The following B3GAT1 variants were observed in gnomAD, a reference collection of about 807,000 sequenced individuals.
B3GAT1 encodes the protein beta-1,3-glucuronyltransferase 1.
A neutral mutation model predicts 28.4 loss-of-function variants in B3GAT1; 11 were observed. The ratio of observed to expected loss-of-function variants is 0.39; its 90% confidence interval spans 0.24 to 0.64. The LOEUF (loss-of-function observed/expected upper bound fraction) is 0.64, where lower values mean the gene tolerates loss of function less well. Ranked by LOEUF, B3GAT1 falls within the 30% of genes least tolerant of loss-of-function variation. The pLI, the probability that B3GAT1 is intolerant of heterozygous loss-of-function variation, is 0.50. For synonymous variants in B3GAT1, 255 were observed against 223.1 expected (o/e 1.14, Z -1.27); for missense variants, 375 against 491.0 (o/e 0.76, Z 2.23).
intron 4 of B3GAT1, among the ~76,000 whole-genome samples, chr11:134,382,434 C>T (rs568954147): frequency 4.3e-4 from 66 of 152,204 alleles, no homozygotes; most frequent in Non-Finnish European, 3.5e-4. Flanking sequence ...CATGTGTGCA[C>T]GCGTAGGCAT....
In B3GAT1 at chr11:134,383,905, G is replaced by A. The variant is rs761540321; in HGVS notation, c.396C>T (p.Arg132=). ...DAPRRTPLTA[R]LLRDTGLNYT... is the part of the protein sequence containing the mutation. Reference sequence around the variant, plus strand: ...AGTTGAGGCCGGTGTCGCGCAGCAGGCGCGCGGTCAGCGGCGTCCGGCGCG... The same window carrying A: ...AGTTGAGGCCGGTGTCGCGCAGCAGACGCGCGGTCAGCGGCGTCCGGCGCG... The change falls in exon 3 of 6, where the codon CGC becomes CGT. Residue 132 remains arginine, a synonymous_variant. Transcript: ENST00000312527. The A allele has an allele frequency of 6.3e-7, 1 of 1,596,050 alleles. No individual in the cohort carries two copies. Among genetic ancestry groups the A allele is most frequent in the East Asian group, 2.3e-5 (1 of 44,410 alleles).
intron 1 of B3GAT1, among the ~76,000 whole-genome samples, chr11:134,394,327 G>T (rs1944464835): frequency 1.3e-5 from 2 of 152,232 alleles, no homozygotes; most frequent in Admixed American, 6.5e-5. Flanking sequence ...TGCATGTGAG[G>T]ACACCAAAGC....
In B3GAT1 at chr11:134,382,024, T is replaced by C. The variant is rs761552883; in HGVS notation, c.919A>G (p.Ile307Val). 6.2e-7 allele frequency: 1 copy of C among 1,614,064 alleles called. No homozygotes were observed. Among genetic ancestry groups the C allele is most frequent in the Non-Finnish European group, 8.5e-7 (1 of 1,180,006 alleles). ...LEPKAANCTK[I>V]LVWHTRTEKP... ...TCTGTCCGTGTGTGCCACACCAGGA[T>C]CTGTGTGCCCAGAGATGCAAAACAT... Residue 307 changes from isoleucine to valine, a missense_variant and splice_region_variant, in exon 5 of 6, where the codon ATC becomes GTC. Coordinates refer to ENST00000312527, the MANE Select transcript of B3GAT1 (RefSeq NM_054025.3).
At chr11:134,395,395 G>A (rs1944485897) in intron 1 of B3GAT1, among the ~76,000 whole-genome samples, 1 of 152,150 alleles carries the variant, frequency 6.6e-6, no homozygotes, top group Non-Finnish European at 1.5e-5. Flanking sequence ...CCCACAGCAG[G>A]TCATGATGGG....
intron 1 of B3GAT1, among the ~76,000 whole-genome samples, chr11:134,403,931 C>A (rs550520582): frequency 7.3e-6 from 1 of 136,734 alleles, no homozygotes; most frequent in Admixed American, 7.7e-5. Context: ...CTTGTGGGGG[C>A]TGGGATGTTG....
rs570709277 is a variant in B3GAT1 at position 134,383,968 on chromosome 11, G to A, written c.333C>T (p.His111=). 4 of 1,600,932 alleles carry A rather than the reference G, an allele frequency of 2.5e-6. No homozygotes were observed. The Admixed American group carries it at 5.0e-5, about 20-fold the overall frequency. Residue 111 remains histidine (H), a synonymous_variant, in exon 3 of 6, where the codon CAC becomes CAT. Coordinates refer to ENST00000312527, the MANE Select transcript of B3GAT1 (RefSeq NM_054025.3). ...CCACCAGCCAGTGGAGGTTGGGCAC[G>A]TGCAGCAGCGTGTTGGCCATGCGCG... ...ELTRMANTLL[H]VPNLHWLVVE...
In B3GAT1 at chr11:134,411,968, G is replaced by A. The variant is rs1277667918; in HGVS notation, c.-443C>T. The A allele has an allele frequency of 3.5e-5, 5 of 140,966 alleles. No individual in the cohort carries two copies. In the East Asian group the frequency reaches 1.1e-3, roughly 30 times the overall value. The allele number at this position is 140,966 out of a possible 1,614,324, so 8.7% of individuals were successfully genotyped here. A position where few individuals can be genotyped will look rare whatever the true frequency, so the allele number is the denominator to read the frequency against. On this transcript the variant is annotated 5_prime_UTR_variant, in exon 1 of 6. Transcript: ENST00000312527. This position sits in a 1 kb window ranked among gnomAD's most constrained non-coding sequence, Gnocchi z 6.0. ...CCCGGGGGCCACTTCATAGCCGCGG[G>A]GTCCGCGCGCCCGCCCGCCCCGCCC...
chr11:134,387,307 T>G, intron 2 of B3GAT1: 1 of 524,764 alleles, frequency 1.9e-6, no homozygotes, highest in Non-Finnish European at 3.3e-6. Context: ...TAACAAGCTC[T>G]TCTTTCAAGG....
At chr11:134,410,328 C>T (rs185619600) in intron 1 of B3GAT1, among the ~76,000 whole-genome samples, 5 of 152,360 alleles carry the variant, frequency 3.3e-5, no homozygotes, top group Middle Eastern at 3.4e-3. Flanking sequence ...ATCCTGGGGT[C>T]AGGCACAGAA....
rs954291160 is a variant in B3GAT1, at chr11:134,411,623, G to A, written c.-282+184C>T. Among the ~76,000 whole-genome samples the A allele has an allele frequency of 4.6e-5, 7 of 151,952 alleles. No individual in the cohort carries two copies. Among genetic ancestry groups the A allele is most frequent in the Admixed American group, 1.3e-4 (2 of 15,278 alleles). ...CCTCGGCAGCAGCGCCTCCCAGCCC[G>A]AGCTCGGTTCTCGGCCCCCTTTCCA... On this transcript the variant is annotated intron_variant, in intron 1 of 5. Transcript: ENST00000312527. This position sits in a 1 kb window ranked among gnomAD's most constrained non-coding sequence, Gnocchi z 6.0.
chr11:134,409,566 C>T (rs1225134295), intron 1 of B3GAT1: 1 of 152,316 alleles, frequency 6.6e-6, no homozygotes, highest in Non-Finnish European at 1.5e-5. Flanking sequence ...CTAAAAGACC[C>T]TCACATTCCT....
At chr11:134,381,577 G>A (rs1944123580) in intron 5 of B3GAT1, 1 of 248,872 alleles carries the variant, frequency 4.0e-6, no homozygotes, top group African/African-American at 2.2e-5. Flanking sequence ...CACAGGGGAA[G>A]AGGCAGACTT....
At chr11:134,402,487 C>G (rs1944637718) in intron 1 of B3GAT1, among the ~76,000 whole-genome samples, 1 of 152,164 alleles carries the variant, frequency 6.6e-6, no homozygotes, top group Admixed American at 6.5e-5. Flanking sequence ...TCCTGGAGAA[C>G]TTTCCTTTCA....
Position 134,387,775 on chromosome 11 carries a change from C to CGGCCA in B3GAT1, c.-121_-117dup. On this transcript the variant is annotated 5_prime_UTR_variant, in exon 2 of 6. It removes the in-frame stop codon of an upstream open reading frame in the 5' UTR. Transcript: ENST00000312527. Reference sequence around the variant, plus strand: ...AGAAAAGAACAGGCATGGGCCGGGCCGGCCAGGCATGGAGAGGACAGAGCA... The same window carrying CGGCCA: ...AGAAAAGAACAGGCATGGGCCGGGCCGGCCAGGCCAGGCATGGAGAGGACAGAGCA... 7 of 1,547,482 alleles carry CGGCCA rather than the reference C, an allele frequency of 4.5e-6. No homozygotes were observed. The highest frequency in any genetic ancestry group is 1.7e-4 in the Middle Eastern group (1 of 5,988).
rs756257734 is a variant in B3GAT1 at position 134,383,753 on chromosome 11, C to T, written c.548G>A (p.Arg183His). ...ALRWLRETFP[R>H]NSSQPGVVYF... ...GACCACGCCAGGCTGGCTGGAGTTG[C>T]GCGGGAAGGTCTCGCGCAGCCAGCG... The change falls in exon 3 of 6, where the codon CGC (arginine) becomes CAC (histidine). Residue 183 changes from arginine (R) to histidine (H), a missense_variant. By Grantham distance (29) the Arg-to-His change is conservative. Transcript: ENST00000312527. The T allele has an allele frequency of 2.5e-6, 4 of 1,595,606 alleles. No individual in the cohort carries two copies. Among genetic ancestry groups the T allele is most frequent in the South Asian group, 1.1e-5 (1 of 89,024 alleles).
At chr11:134,399,178 C>T (rs1439788001) in intron 1 of B3GAT1, among the ~76,000 whole-genome samples, 12 of 152,218 alleles carry the variant, frequency 7.9e-5, no homozygotes, top group Admixed American at 7.9e-4. Flanking sequence ...TCCCTACCCG[C>T]CTCCAGCCTC....
rs78760579 is a variant in B3GAT1 at position 134,411,438 on chromosome 11, T to G, written c.-282+369A>C. 0.12 allele frequency among the ~76,000 whole-genome samples: 17,787 copies of G among 152,024 alleles called. 1,106 individuals carry two copies. Among genetic ancestry groups the G allele is most frequent in the Non-Finnish European group, 0.14 (9,175 of 67,928 alleles). On this transcript the variant is annotated intron_variant, in intron 1 of 5. Transcript: ENST00000312527. This position sits in a 1 kb window ranked among gnomAD's most constrained non-coding sequence, Gnocchi z 6.0. Reference sequence around the variant, plus strand: ...CAGGGGTGGGGAGGTGGGGGACGACTGACCCCTGACTCCTCATCCGGCCAC... The same window carrying G: ...CAGGGGTGGGGAGGTGGGGGACGACGGACCCCTGACTCCTCATCCGGCCAC...
chr11:134,392,941 A>T (rs1026377533), intron 1 of B3GAT1, among the ~76,000 whole-genome samples: 1 of 152,246 alleles, frequency 6.6e-6, no homozygotes, highest in Non-Finnish European at 1.5e-5. Context: ...ATATTAATTG[A>T]GCATCTGTAG....
intron 1 of B3GAT1, among the ~76,000 whole-genome samples, chr11:134,404,019 A>T (rs1178376998): frequency 7.0e-5 from 8 of 113,594 alleles, no homozygotes; most frequent in African/African-American, 2.9e-4. Context: ...ATATATATAT[A>T]TATATATATA....
Sources: allele counts gnomAD v4.1 joint callset (sites outside exome capture counted in the v4.1 genomes callset), GRCh38; gene constraint gnomAD v4.1.1; non-coding constraint Gnocchi (gnomAD v3.1); transcripts MANE v1.5; gene names NCBI Gene and HGNC (gene_info 2026-07-23, HGNC 2026-07-21).